The following MRC1 variants were observed in gnomAD, a reference collection of about 807,000 sequenced individuals.
MRC1 encodes the protein macrophage mannose receptor 1.
A neutral mutation model predicts 102.9 loss-of-function variants in MRC1; 62 were observed. That is an observed-to-expected ratio of 0.60 (90% CI 0.49 to 0.74). The LOEUF (loss-of-function observed/expected upper bound fraction) is 0.74, where lower values mean the gene tolerates loss of function less well. Ranked by LOEUF, MRC1 falls within the 30% of genes least tolerant of loss-of-function variation. The pLI is 0.00. For missense variants in MRC1, 1,237 were observed against 862.8 expected (o/e 1.43, Z -5.43); for synonymous variants, 457 against 298.4 (o/e 1.53, Z -5.48).
At chr10:17,844,177 G>C (rs1410399171) in intron 5 of MRC1, among the ~76,000 whole-genome samples, 1 of 152,042 alleles carries the variant, frequency 6.6e-6, no homozygotes, top group African/African-American at 2.4e-5. Flanking sequence ...AGCACAGCAT[G>C]CTGCCCATCT....
chr10:17,822,789 G>T (rs1838415728), intron 1 of MRC1, among the ~76,000 whole-genome samples: 1 of 152,154 alleles, frequency 6.6e-6, no homozygotes, highest in Non-Finnish European at 1.5e-5. Context: ...TGTAAGGTGG[G>T]ACTTTGCATG....
intron 9 of MRC1, among the ~76,000 whole-genome samples, chr10:17,858,028 C>A (rs1833121210): frequency 6.6e-6 from 1 of 152,106 alleles, no homozygotes; most frequent in South Asian, 2.1e-4. Context: ...ATAAGATATA[C>A]CACCAGGATC....
At chr10:17,810,035 T>TC (rs1838199654) in intron 1 of MRC1, among the ~76,000 whole-genome samples, 2 of 151,036 alleles carry the variant, frequency 1.3e-5, no homozygotes. Flanking sequence ...CATTTTTTTT[T>TC]CTGCCAGAAT....
Position 17,881,125 on chromosome 10 carries a change from A to C in MRC1, c.2924A>C (p.Lys975Thr). Residue 975 changes from lysine to threonine, a missense_variant, in exon 21 of 30, where the codon AAA becomes ACA. Coordinates refer to ENST00000569591, the MANE Select transcript of MRC1 (RefSeq NM_002438.4). Reference protein sequence around the residue: ...EERKNWQEARKACIGFGGNLV... With the variant: ...EERKNWQEARTACIGFGGNLV... Reference sequence around the variant, plus strand: ...AGAAAAAATTGGCAAGAGGCACGAAAAGCTTGTATAGGCTTTGGAGGGAAT... The same window carrying C: ...AGAAAAAATTGGCAAGAGGCACGAACAGCTTGTATAGGCTTTGGAGGGAAT... The C allele has an allele frequency of 1.3e-6, 1 of 780,806 alleles. No homozygotes were observed. The highest frequency in any genetic ancestry group is 2.4e-6 in the Non-Finnish European group (1 of 417,942). 48.4% of individuals were successfully genotyped at this position (780,806 alleles called of 1,614,324 possible). A position where few individuals can be genotyped will look rare whatever the true frequency, so the allele number is the denominator to read the frequency against.
chr10:17,897,047 G>A (rs1207340645), intron 23 of MRC1, among the ~76,000 whole-genome samples: 1 of 152,174 alleles, frequency 6.6e-6, no homozygotes, highest in African/African-American at 2.4e-5. Context: ...AATGAATGTG[G>A]CTGTGTTCCA....
At chr10:17,893,010 G>GA (rs1208089477) in intron 22 of MRC1, among the ~76,000 whole-genome samples, 74,255 of 135,210 alleles carry the variant, frequency 0.55, 19,969 homozygotes, top group African/African-American at 0.59. Context: ...CTCCATCTAG[G>GA]AAAAAAAAAA....
rs1554838374 is a variant in MRC1, at chr10:17,823,063, T to C, written c.62-11T>C. 1 of 780,846 alleles carries C rather than the reference T, an allele frequency of 1.3e-6. No homozygotes were observed. Among genetic ancestry groups the C allele is most frequent in the East Asian group, 2.4e-5 (1 of 41,258 alleles). 48.4% of individuals were successfully genotyped at this position (780,846 alleles called of 1,614,324 possible). A position where few individuals can be genotyped will look rare whatever the true frequency, so the allele number is the denominator to read the frequency against. On this transcript the variant is annotated splice_polypyrimidine_tract_variant and intron_variant, in intron 1 of 29. Transcript: ENST00000569591. ...TTCTTCTTCTTTTCCTGCTTCTTTC[T>C]TTTTAAACAGACACCAGGCAATTTT...
At chr10:17,892,656 A>G (rs896406296) in intron 22 of MRC1, among the ~76,000 whole-genome samples, 1 of 152,200 alleles carries the variant, frequency 6.6e-6, no homozygotes, top group Non-Finnish European at 1.5e-5. Context: ...TTTTGCTTAA[A>G]TTTACTTTAA....
intron 6 of MRC1, among the ~76,000 whole-genome samples, chr10:17,847,926 C>CTTTT (rs5783563): frequency 0.34 from 50,120 of 147,240 alleles, 8,724 homozygotes; most frequent in Middle Eastern, 0.36. Context: ...TCTTTTTCTT[C>CTTTT]TTTTTTTTTT....
chr10:17,872,612 C>T (rs1222480607), intron 15 of MRC1, among the ~76,000 whole-genome samples: 1 of 152,168 alleles, frequency 6.6e-6, no homozygotes, highest in African/African-American at 2.4e-5. Flanking sequence ...TTAGCCCCAC[C>T]ATGTTATTGA....
intron 1 of MRC1, among the ~76,000 whole-genome samples, chr10:17,810,397 C>T (rs995812983): frequency 1.8e-4 from 28 of 152,142 alleles, no homozygotes; most frequent in Non-Finnish European, 2.9e-4. Context: ...TTTGTGCCTA[C>T]GATCTACTCT....
chr10:17,888,167 A>G (rs1833626348), intron 22 of MRC1, among the ~76,000 whole-genome samples: 2 of 152,236 alleles, frequency 1.3e-5, no homozygotes, highest in Non-Finnish European at 2.9e-5. Flanking sequence ...TTAGAAAAAG[A>G]GAATGGGAGA....
intron 6 of MRC1, among the ~76,000 whole-genome samples, chr10:17,847,745 C>A (rs2130638495): frequency 6.6e-6 from 1 of 152,312 alleles, no homozygotes; most frequent in East Asian, 1.9e-4. Context: ...CCAGGGAACT[C>A]CCCTTCATTT....
Position 17,823,067 on chromosome 10 carries a change from T to G in MRC1, c.62-7T>G. On this transcript the variant is annotated splice_polypyrimidine_tract_variant and splice_region_variant and intron_variant, in intron 1 of 29. Coordinates refer to ENST00000569591, the MANE Select transcript of MRC1 (RefSeq NM_002438.4). ...TCTTCTTTTCCTGCTTCTTTCTTTT[T>G]AAACAGACACCAGGCAATTTTTAAT... 2.6e-6 allele frequency: 2 copies of G among 780,874 alleles called. No individual in the cohort carries two copies. Among genetic ancestry groups the G allele is most frequent in the Non-Finnish European group, 4.8e-6 (2 of 417,952 alleles). 48.4% of individuals were successfully genotyped at this position (780,874 alleles called of 1,614,324 possible).
At chr10:17,832,338 C>G (rs1161709605) in intron 3 of MRC1, among the ~76,000 whole-genome samples, 3 of 151,170 alleles carry the variant, frequency 2.0e-5, no homozygotes, top group Admixed American at 6.6e-5. Flanking sequence ...GGGTGGATCA[C>G]AAGGTCAGGA....
chr10:17,813,010 C>T lies in MRC1; in HGVS notation c.61+3484C>T, dbSNP rs186999251. 4.3e-3 allele frequency among the ~76,000 whole-genome samples: 656 copies of T among 152,190 alleles called. 5 individuals are homozygous for T. Among genetic ancestry groups the T allele is most frequent in the African/African-American group, 0.015 (617 of 41,522 alleles). ...ATCTGCAAAAAATGATAATGAGAGA[C>T]GTCTTGGTGGACAGAGAAGCCTTAG... On this transcript the variant is annotated intron_variant, in intron 1 of 29. Transcript: ENST00000569591.
At position 17,910,285 on chromosome 10, in the gene MRC1, C is replaced by T. The variant is rs908188599; in HGVS notation, c.4191C>T (p.Leu1397=). 3.8e-6 allele frequency: 3 copies of T among 780,750 alleles called. No homozygotes were observed. In the South Asian group the frequency reaches 4.0e-5, roughly 10 times the overall value. The allele number at this position is 780,750 out of a possible 1,614,324, so 48.4% of individuals were successfully genotyped here. A position where few individuals can be genotyped will look rare whatever the true frequency, so the allele number is the denominator to read the frequency against. The part of the protein sequence containing the change: ...NVAGVVIIVI[L]LILTGAGLAA... ...CCGGAGTAGTCATCATTGTGATCCT[C>T]CTGATTTTAACGGGTGCTGGCCTTG... The change falls in exon 30 of 30, where the codon CTC becomes CTT. Residue 1397 remains leucine, a synonymous_variant. Transcript: ENST00000569591.
intron 17 of MRC1, 49 bp downstream of exon 17, chr10:17,875,302 G>C: frequency 1.3e-6 from 1 of 775,572 alleles, no homozygotes; most frequent in South Asian, 1.4e-5. Context: ...TTGGGGAACA[G>C]GTGTTGTTTG....
At chr10:17,881,560 T>C (rs1424748096) in intron 21 of MRC1, among the ~76,000 whole-genome samples, 1 of 151,926 alleles carries the variant, frequency 6.6e-6, no homozygotes, top group Non-Finnish European at 1.5e-5. Context: ...CTTCTAAGAA[T>C]AAGATGTAAA....
Sources: gnomAD v4.1 joint callset for allele counts (sites outside exome capture counted in the v4.1 genomes callset) on GRCh38, gnomAD v4.1.1 for gene constraint, MANE v1.5 for transcripts, NCBI Gene and HGNC (gene_info 2026-07-23, HGNC 2026-07-21) for gene names.